Variants in NR6A1 observed in about 807,000 individuals in gnomAD.
NR6A1 encodes retinoic acid receptor-related testis-associated receptor.
A neutral mutation model predicts 59.1 loss-of-function variants in NR6A1; 7 were observed. The ratio of observed to expected loss-of-function variants is 0.12; its 90% confidence interval spans 0.07 to 0.22. The LOEUF (loss-of-function observed/expected upper bound fraction) is 0.22, where lower values mean the gene tolerates loss of function less well. NR6A1 is among the 10% of genes least tolerant of loss of function. The pLI is 1.00. For synonymous variants in NR6A1, 243 were observed against 236.1 expected (o/e 1.03, Z -0.27); for missense variants, 468 against 611.6 (o/e 0.77, Z 2.48).
intron 2 of NR6A1, among the ~76,000 whole-genome samples, chr9:124,621,390 C>A (rs1836068143): frequency 6.6e-6 from 1 of 151,826 alleles, no homozygotes; most frequent in African/African-American, 2.4e-5. Flanking sequence ...GTGGCTCACA[C>A]CTATAATCCC....
In NR6A1 at chr9:124,521,292, G is replaced by C. The variant is rs1157551078; in HGVS notation, c.*1413C>G. On this transcript the variant is annotated 3_prime_UTR_variant, in exon 10 of 10. Coordinates refer to ENST00000487099, the MANE Select transcript of NR6A1 (RefSeq NM_033334.4). ...GTGGGGCAGGTAGTGAGAGGTCAAG[G>C]AGTCCAGGCCATGTCTGCAGAGGTA... is the stretch of plus-strand genomic sequence containing the variant. 6.6e-6 allele frequency: 1 copy of C among 152,634 alleles called. No homozygotes were observed. The highest frequency in any genetic ancestry group is 2.4e-5 in the African/African-American group (1 of 41,472). The allele number at this position is 152,634 out of a possible 1,614,324, so 9.5% of individuals were successfully genotyped here.
intron 1 of NR6A1, among the ~76,000 whole-genome samples, chr9:124,757,349 G>C (rs569293215): frequency 4.4e-4 from 66 of 151,100 alleles, no homozygotes; most frequent in Middle Eastern, 6.8e-3. Flanking sequence ...GCTATCGAAA[G>C]TTTCAAATAA....
chr9:124,634,447 CTT>C lies in NR6A1; in HGVS notation c.143-79879_143-79878del, dbSNP rs986488513. On this transcript the variant is annotated intron_variant, in intron 2 of 9. Coordinates refer to ENST00000487099, the MANE Select transcript of NR6A1 (RefSeq NM_033334.4). ...TTCCCCAGCCTTCCATTTTCTGTCT[CTT>C]GTTTCTTCTCTGCCTACTTTTCCAT... Among the ~76,000 whole-genome samples, 408 of 152,324 alleles carry C rather than the reference CTT, an allele frequency of 2.7e-3. 4 individuals carry two copies. Among genetic ancestry groups the C allele is most frequent in the African/African-American group, 9.5e-3 (395 of 41,576 alleles).
intron 2 of NR6A1, among the ~76,000 whole-genome samples, chr9:124,732,607 G>C (rs945547547): frequency 6.6e-6 from 1 of 151,958 alleles, no homozygotes; most frequent in Non-Finnish European, 1.5e-5. Flanking sequence ...TAAGCAAAAT[G>C]CTTCTTTTAA....
intron 2 of NR6A1, chr9:124,595,752 CCCA>C (rs1835253911): frequency 7.8e-7 from 1 of 1,283,010 alleles, no homozygotes. Context: ...TCCTTACCTT[CCCA>C]TGTCTCCATT....
intron 2 of NR6A1, among the ~76,000 whole-genome samples, chr9:124,674,054 T>C (rs982122468): frequency 1.3e-5 from 2 of 152,194 alleles, no homozygotes; most frequent in African/African-American, 2.4e-5. Context: ...TTTTCTCATT[T>C]CCAAAATGAG....
intron 2 of NR6A1, among the ~76,000 whole-genome samples, chr9:124,573,096 C>A (rs576317115): frequency 6.6e-6 from 1 of 152,190 alleles, no homozygotes; most frequent in Non-Finnish European, 1.5e-5. Context: ...TTCACAGCGA[C>A]AATGGGGTGG....
chr9:124,721,852 AAATT>A (rs1418501555), intron 2 of NR6A1, among the ~76,000 whole-genome samples: 2 of 151,922 alleles, frequency 1.3e-5, no homozygotes. Context: ...GACAGGATAG[AAATT>A]AATTATTTAA....
chr9:124,525,697 CTCTA>C (rs1456699086), intron 8 of NR6A1, among the ~76,000 whole-genome samples: 1 of 149,258 alleles, frequency 6.7e-6, no homozygotes, highest in Non-Finnish European at 1.5e-5. Flanking sequence ...CTCTCTCTCT[CTCTA>C]TATATATATA....
intron 2 of NR6A1, among the ~76,000 whole-genome samples, chr9:124,560,583 G>A (rs1426512179): frequency 2.0e-5 from 3 of 152,002 alleles, no homozygotes; most frequent in Non-Finnish European, 4.4e-5. Context: ...TTTTTGAGAC[G>A]GAGTTTCGCT....
At chr9:124,746,232 A>G (rs1840330765) in intron 1 of NR6A1, among the ~76,000 whole-genome samples, 1 of 152,200 alleles carries the variant, frequency 6.6e-6, no homozygotes, top group Non-Finnish European at 1.5e-5. Flanking sequence ...ACAAAGAAAT[A>G]CATCTTTAAC....
chr9:124,710,330 A>C (rs911200200), intron 2 of NR6A1, among the ~76,000 whole-genome samples: 9 of 152,234 alleles, frequency 5.9e-5, no homozygotes, highest in African/African-American at 1.7e-4. Context: ...AACAGAACTG[A>C]CCACATGTAG....
rs74883234 is a variant in NR6A1 at position 124,617,274 on chromosome 9, G to A, written c.143-62704C>T. Among the ~76,000 whole-genome samples the A allele has an allele frequency of 7.6e-3, 1,151 of 152,304 alleles. 20 individuals are homozygous for A. The highest frequency in any genetic ancestry group is 0.025 in the African/African-American group (1,045 of 41,558). ...TTGAGAGCCAATTTTGAAGATTCCCGGGTGGCCCTTATCCTACATAAGGCA... is the reference window on the plus strand; with the variant it reads ...TTGAGAGCCAATTTTGAAGATTCCCAGGTGGCCCTTATCCTACATAAGGCA... On this transcript the variant is annotated intron_variant, in intron 2 of 9. Coordinates refer to ENST00000487099, the MANE Select transcript of NR6A1 (RefSeq NM_033334.4).
intron 1 of NR6A1, among the ~76,000 whole-genome samples, chr9:124,737,681 A>C (rs1479476764): frequency 6.6e-6 from 1 of 151,690 alleles, no homozygotes; most frequent in Non-Finnish European, 1.5e-5. Context: ...GCATGGCAAA[A>C]ATGGTGAAAC....
At position 124,617,344 on chromosome 9, in the gene NR6A1, T is replaced by C. The variant is rs527517108; in HGVS notation, c.143-62774A>G. ...TGGTATATTCTGCCTGGTTTTTGTTTTGTGGTAAATATTTTCATTCTATTT... is the reference window on the plus strand; with the variant it reads ...TGGTATATTCTGCCTGGTTTTTGTTCTGTGGTAAATATTTTCATTCTATTT... On this transcript the variant is annotated intron_variant, in intron 2 of 9. Transcript: ENST00000487099. 2.9e-4 allele frequency among the ~76,000 whole-genome samples: 44 copies of C among 152,344 alleles called. 1 individual carries two copies. In the South Asian group the frequency reaches 6.8e-3, roughly 24 times the overall value.
At chr9:124,720,331 G>C (rs909229739) in intron 2 of NR6A1, among the ~76,000 whole-genome samples, 1 of 152,098 alleles carries the variant, frequency 6.6e-6, no homozygotes, top group Admixed American at 6.5e-5. Flanking sequence ...GATTACAGGC[G>C]CGAGCCACCA....
intron 2 of NR6A1, among the ~76,000 whole-genome samples, chr9:124,700,030 A>G (rs573996891): frequency 6.6e-6 from 1 of 151,468 alleles, no homozygotes; most frequent in Non-Finnish European, 1.5e-5. Flanking sequence ...CTTTTTTTTT[A>G]GTAGAGATGG....
Position 124,771,283 on chromosome 9 carries a change from G to C in NR6A1, c.-164C>G. The C allele has an allele frequency of 2.5e-6, 1 of 392,262 alleles. No individual in the cohort carries two copies. The highest frequency in any genetic ancestry group is 4.5e-6 in the Non-Finnish European group (1 of 224,304). The allele number at this position is 392,262 out of a possible 1,614,324, so 24.3% of individuals were successfully genotyped here. A position where few individuals can be genotyped will look rare whatever the true frequency, so the allele number is the denominator to read the frequency against. On this transcript the variant is annotated 5_prime_UTR_variant, in exon 1 of 10. Coordinates refer to ENST00000487099, the MANE Select transcript of NR6A1 (RefSeq NM_033334.4). ...GCCGCCCGGCTCCGCGCCGCTCCGC[G>C]CCCCTCCGCGCCGCGCCCCCTCAGC...
chr9:124,637,627 G>A (rs1012568561), intron 2 of NR6A1, among the ~76,000 whole-genome samples: 1 of 152,066 alleles, frequency 6.6e-6, no homozygotes, highest in Non-Finnish European at 1.5e-5. Context: ...GCAGTGGCTT[G>A]TGCCTGTAAT....
Sources: allele counts gnomAD v4.1 joint callset (sites outside exome capture counted in the v4.1 genomes callset), GRCh38; gene constraint gnomAD v4.1.1; transcripts MANE v1.5; gene names NCBI Gene and HGNC (gene_info 2026-07-23, HGNC 2026-07-21).